The following HS6ST3 variants were observed in gnomAD, a reference collection of about 807,000 sequenced individuals.
The protein encoded by HS6ST3 is heparan-sulfate 6-O-sulfotransferase 3.
In HS6ST3, 12 loss-of-function variants were observed where a neutral mutation model predicts 36.7. The ratio of observed to expected loss-of-function variants is 0.33; its 90% CI spans 0.21 to 0.53. The LOEUF is 0.53. Ranked by LOEUF, HS6ST3 falls within the 20% of genes least tolerant of loss-of-function variation. HS6ST3 has a pLI of 0.95. For synonymous variants in HS6ST3, 240 were observed against 257.5 expected (o/e 0.93, Z 0.65); for missense variants, 584 against 640.9 (o/e 0.91, Z 0.96).
At chr13:96,535,557 CAAA>C (rs5805976) in intron 1 of HS6ST3, among the ~76,000 whole-genome samples, 1 of 125,220 alleles carries the variant, frequency 8.0e-6, no homozygotes, top group Non-Finnish European at 1.6e-5. Flanking sequence ...GACTCTGTTT[CAAA>C]AAAAAAAAAA....
intron 1 of HS6ST3, among the ~76,000 whole-genome samples, chr13:96,510,729 GTTA>G (rs1489841409): frequency 2.0e-5 from 3 of 152,054 alleles, no homozygotes; most frequent in South Asian, 4.1e-4. Flanking sequence ...CATTATTAAT[GTTA>G]TTATTAATTC....
chr13:96,107,105 G>T (rs2053845321), intron 1 of HS6ST3, among the ~76,000 whole-genome samples: 1 of 152,172 alleles, frequency 6.6e-6, no homozygotes, highest in Non-Finnish European at 1.5e-5. Flanking sequence ...CTTGTCATTT[G>T]TTGGGATATA....
chr13:96,396,140 C>G (rs775534637), intron 1 of HS6ST3, among the ~76,000 whole-genome samples: 15 of 152,094 alleles, frequency 9.9e-5, no homozygotes, highest in Non-Finnish European at 2.1e-4. Context: ...ATGGAGAAAC[C>G]CTGTCTCTAC....
At chr13:96,303,598 C>CA (rs2054894151) in intron 1 of HS6ST3, among the ~76,000 whole-genome samples, 1 of 152,054 alleles carries the variant, frequency 6.6e-6, no homozygotes, top group African/African-American at 2.4e-5. Context: ...GAGAGATGAA[C>CA]ATTCTGGACA....
intron 1 of HS6ST3, among the ~76,000 whole-genome samples, chr13:96,165,526 T>A (rs9562041): frequency 0.045 from 6,786 of 152,314 alleles, 260 homozygotes; most frequent in East Asian, 0.15. Flanking sequence ...TAACAAGTGA[T>A]CCTAAAATCT....
At chr13:96,154,475 A>G (rs189014295) in intron 1 of HS6ST3, among the ~76,000 whole-genome samples, 151 of 152,276 alleles carry the variant, frequency 9.9e-4, no homozygotes, top group African/African-American at 3.5e-3. Context: ...ATTTTCATCT[A>G]TTAATGATGG....
chr13:96,231,697 C>G (rs1018429891), intron 1 of HS6ST3, among the ~76,000 whole-genome samples: 2 of 152,128 alleles, frequency 1.3e-5, no homozygotes, highest in Non-Finnish European at 2.9e-5. Context: ...CAAGCCATAT[C>G]AAGGCCCATG....
At chr13:96,812,582 A>G (rs1383874346) in intron 1 of HS6ST3, among the ~76,000 whole-genome samples, 4 of 152,188 alleles carry the variant, frequency 2.6e-5, no homozygotes, top group African/African-American at 9.7e-5. Flanking sequence ...CAAAAAGACA[A>G]TGATGATCTA....
chr13:96,405,306 A>T (rs777891507), intron 1 of HS6ST3, among the ~76,000 whole-genome samples: 1 of 152,144 alleles, frequency 6.6e-6, no homozygotes, highest in African/African-American at 2.4e-5. Flanking sequence ...AGACATGTAA[A>T]TTTTTCATTT....
At chr13:96,097,985 G>C (rs532760950) in intron 1 of HS6ST3, among the ~76,000 whole-genome samples, 1 of 152,294 alleles carries the variant, frequency 6.6e-6, no homozygotes, top group Non-Finnish European at 1.5e-5. Context: ...CTGATTATTA[G>C]TGGTTGCCTT....
intron 1 of HS6ST3, among the ~76,000 whole-genome samples, chr13:96,198,097 C>T (rs1399033852): frequency 6.6e-6 from 1 of 152,234 alleles, no homozygotes; most frequent in African/African-American, 2.4e-5. Context: ...AAGCTCAACA[C>T]CATGTGGAAG....
chr13:96,168,534 C>A (rs190284187), intron 1 of HS6ST3, among the ~76,000 whole-genome samples: 2 of 151,646 alleles, frequency 1.3e-5, no homozygotes, highest in Non-Finnish European at 2.9e-5. Flanking sequence ...AGGGAGACCT[C>A]GTCTCTACAA....
intron 1 of HS6ST3, among the ~76,000 whole-genome samples, chr13:96,660,347 A>T (rs2139018806): frequency 6.6e-6 from 1 of 152,276 alleles, no homozygotes; most frequent in South Asian, 2.1e-4. Context: ...TATACAAAAC[A>T]TTTTCTGTTA....
intron 1 of HS6ST3, among the ~76,000 whole-genome samples, chr13:96,784,026 C>A (rs1278550181): frequency 6.6e-6 from 1 of 151,832 alleles, no homozygotes; most frequent in Admixed American, 6.6e-5. Context: ...TTTGAGCTCT[C>A]CCAGCTGTAG....
intron 1 of HS6ST3, among the ~76,000 whole-genome samples, chr13:96,152,406 C>T (rs1237558824): frequency 6.7e-6 from 1 of 148,404 alleles, no homozygotes; most frequent in South Asian, 2.1e-4. Context: ...GGAGCGATCT[C>T]AGCTCACTGC....
At position 96,489,175 on chromosome 13, in the gene HS6ST3, A is replaced by T. The variant is rs148156743; in HGVS notation, c.708-343315A>T. On this transcript the variant is annotated intron_variant, in intron 1 of 1. Transcript: ENST00000376705. ...GCATTTCTTGCCTCTATTAGTTTTC[A>T]TCCCTCCAAAAAGCATTTAAGGTTA... Among the ~76,000 whole-genome samples, 1,115 of 152,132 alleles carry T rather than the reference A, an allele frequency of 7.3e-3. 44 individuals are homozygous for T. The highest frequency in any genetic ancestry group is 0.064 in the Admixed American group (972 of 15,256).
At chr13:96,600,401 G>A (rs1163026145) in intron 1 of HS6ST3, among the ~76,000 whole-genome samples, 1 of 149,666 alleles carries the variant, frequency 6.7e-6, no homozygotes, top group Non-Finnish European at 1.5e-5. Context: ...TTGTTGAATT[G>A]ATCCTTTATT....
At chr13:96,233,128 C>T (rs1441131702) in intron 1 of HS6ST3, among the ~76,000 whole-genome samples, 1 of 152,000 alleles carries the variant, frequency 6.6e-6, no homozygotes, top group Non-Finnish European at 1.5e-5. Flanking sequence ...ATGTTTTTCT[C>T]TAATTGTAGT....
chr13:96,282,247 T>C (rs1276346115), intron 1 of HS6ST3, among the ~76,000 whole-genome samples: 1 of 152,138 alleles, frequency 6.6e-6, no homozygotes, highest in Non-Finnish European at 1.5e-5. Flanking sequence ...GGAGTCGGTA[T>C]CCCATGAAAG....
Sources: allele counts gnomAD v4.1 joint callset (sites outside exome capture counted in the v4.1 genomes callset), GRCh38; gene constraint gnomAD v4.1.1; transcripts MANE v1.5; gene names NCBI Gene and HGNC (gene_info 2026-07-23, HGNC 2026-07-21).